Variants in PDE3A observed in about 807,000 individuals in gnomAD.
PDE3A encodes the protein phosphodiesterase 3A, also known as cGMP-inhibited 3',5'-cyclic phosphodiesterase 3A.
A neutral mutation model predicts 98.3 loss-of-function variants in PDE3A; 43 were observed. That is an observed-to-expected ratio of 0.44 (90% CI 0.34 to 0.56). The LOEUF (loss-of-function observed/expected upper bound fraction) is 0.56. Among genes scored for constraint, PDE3A ranks in the 20% least tolerant of loss-of-function variants. PDE3A has a pLI of 0.01. For missense variants in PDE3A, 1,427 were observed against 1,440.7 expected (o/e 0.99, Z 0.15); for synonymous variants, 663 against 567.9 (o/e 1.17, Z -2.38).
Position 20,451,946 on chromosome 12 carries a change from G to A in PDE3A, c.960+81702G>A, listed in dbSNP as rs138769335. Among the ~76,000 whole-genome samples, 4 of 152,248 alleles carry A rather than the reference G, an allele frequency of 2.6e-5. No homozygotes were observed. The East Asian group carries it at 7.7e-4, about 29-fold the overall frequency. On this transcript the variant is annotated intron_variant, in intron 1 of 15. Coordinates refer to ENST00000359062, the MANE Select transcript of PDE3A (RefSeq NM_000921.5). The stretch of plus-strand genomic sequence containing the variant: ...GCATTTCTCTTCATTGCATAGTGTA[G>A]CCCTGACTCACTGGCTCTTCATCTG...
In PDE3A at chr12:20,417,444, G is replaced by T. The variant is rs74595359; in HGVS notation, c.960+47200G>T. On this transcript the variant is annotated intron_variant, in intron 1 of 15. Coordinates refer to ENST00000359062, the MANE Select transcript of PDE3A (RefSeq NM_000921.5). Reference sequence around the variant, plus strand: ...AAATCACAGTATCAACCATAGCCTCGAGAGGTAAAACTTATCCTATTCTTA... The same window carrying T: ...AAATCACAGTATCAACCATAGCCTCTAGAGGTAAAACTTATCCTATTCTTA... 2.0e-5 allele frequency among the ~76,000 whole-genome samples: 3 copies of T among 152,088 alleles called. 1 individual carries two copies. The highest frequency in any genetic ancestry group is 2.0e-4 in the Admixed American group (3 of 15,266).
chr12:20,445,769 G>A (rs1944943267), intron 1 of PDE3A, among the ~76,000 whole-genome samples: 1 of 152,106 alleles, frequency 6.6e-6, no homozygotes, highest in Non-Finnish European at 1.5e-5. Context: ...GGAATATAGA[G>A]CCATTGCCCT....
intron 1 of PDE3A, among the ~76,000 whole-genome samples, chr12:20,516,001 G>C (rs577425670): frequency 6.6e-6 from 1 of 151,154 alleles, no homozygotes; most frequent in Admixed American, 6.6e-5. Flanking sequence ...CAAAGTGCTG[G>C]GATTACAGGC....
At chr12:20,526,804 T>C (rs1194909228) in intron 1 of PDE3A, among the ~76,000 whole-genome samples, 2 of 152,044 alleles carry the variant, frequency 1.3e-5, no homozygotes, top group Non-Finnish European at 2.9e-5. Context: ...ATTGATGATG[T>C]AGCCAACTCC....
Position 20,429,891 on chromosome 12 carries a change from C to T in PDE3A, c.960+59647C>T, listed in dbSNP as rs116585020. 6.0e-3 allele frequency among the ~76,000 whole-genome samples: 914 copies of T among 152,012 alleles called. 10 individuals are homozygous for T. Among genetic ancestry groups the T allele is most frequent in the African/African-American group, 0.02 (830 of 41,448 alleles). ...TTTTTATGTCATTTTGACATCCCTC[C>T]AGCACCCAAATGCCAACATCTGCTA... On this transcript the variant is annotated intron_variant, in intron 1 of 15. Transcript: ENST00000359062.
At chr12:20,477,016 T>C (rs1456987009) in intron 1 of PDE3A, among the ~76,000 whole-genome samples, 1 of 152,206 alleles carries the variant, frequency 6.6e-6, no homozygotes, top group Non-Finnish European at 1.5e-5. Flanking sequence ...CCTTGTTAAC[T>C]ACTAATACTA....
intron 15 of PDE3A, among the ~76,000 whole-genome samples, chr12:20,662,781 T>C (rs1388890128): frequency 6.6e-6 from 1 of 152,084 alleles, no homozygotes; most frequent in African/African-American, 2.4e-5. Flanking sequence ...CCTGAGGATG[T>C]GATAGAAAAG....
Position 20,394,754 on chromosome 12 carries a change from T to C in PDE3A, c.960+24510T>C, listed in dbSNP as rs187683135. Among the ~76,000 whole-genome samples, 400 of 152,144 alleles carry C rather than the reference T, an allele frequency of 2.6e-3. 1 individual carries two copies. Among genetic ancestry groups the C allele is most frequent in the African/African-American group, 9.5e-3 (395 of 41,536 alleles). On this transcript the variant is annotated intron_variant, in intron 1 of 15. Coordinates refer to ENST00000359062, the MANE Select transcript of PDE3A (RefSeq NM_000921.5). ...TGACTTTTCATGTTTTTAAGTAGGG[T>C]ATTGCATTGATTGTCAACTGGGCCA...
At chr12:20,410,082 C>G (rs1004402094) in intron 1 of PDE3A, among the ~76,000 whole-genome samples, 1 of 152,154 alleles carries the variant, frequency 6.6e-6, no homozygotes, top group Admixed American at 6.5e-5. Flanking sequence ...GTCTTGCTGT[C>G]CCCAGGCTAA....
intron 1 of PDE3A, among the ~76,000 whole-genome samples, chr12:20,518,381 G>C (rs1224810502): frequency 2.0e-5 from 3 of 151,814 alleles, no homozygotes; most frequent in Admixed American, 1.3e-4. Context: ...CTCAGAGTTA[G>C]AGCTTCAAAG....
At chr12:20,469,218 C>T (rs1441654152) in intron 1 of PDE3A, among the ~76,000 whole-genome samples, 3 of 152,200 alleles carry the variant, frequency 2.0e-5, no homozygotes, top group Non-Finnish European at 4.4e-5. Flanking sequence ...CATTCTTTAA[C>T]ACAGAATGAC....
At position 20,556,390 on chromosome 12, in the gene PDE3A, C is replaced by T. The variant is rs146004769; in HGVS notation, c.961-270C>T. On this transcript the variant is annotated intron_variant, in intron 1 of 15. Transcript: ENST00000359062. ...GCAAATAAAGCTTTACATGGTTTAACATCTATCTAGGATGTTCCTGACAGA... is the reference window on the plus strand; with the variant it reads ...GCAAATAAAGCTTTACATGGTTTAATATCTATCTAGGATGTTCCTGACAGA... 6.1e-4 allele frequency among the ~76,000 whole-genome samples: 93 copies of T among 152,162 alleles called. No homozygotes were observed. In the East Asian group the frequency reaches 0.016, roughly 27 times the overall value.
chr12:20,479,792 T>C (rs1361061516), intron 1 of PDE3A, among the ~76,000 whole-genome samples: 1 of 152,200 alleles, frequency 6.6e-6, no homozygotes, highest in Non-Finnish European at 1.5e-5. Context: ...CGAAATCTTC[T>C]ATGAACTCCT....
At chr12:20,491,989 G>GT (rs76987817) in intron 1 of PDE3A, among the ~76,000 whole-genome samples, 45,548 of 151,430 alleles carry the variant, frequency 0.3, 8,153 homozygotes, top group East Asian at 0.68. Context: ...AGTACAGAGA[G>GT]TTTTTTTTTG....
chr12:20,497,407 G>T (rs1307370138), intron 1 of PDE3A, among the ~76,000 whole-genome samples: 1 of 151,326 alleles, frequency 6.6e-6, no homozygotes, highest in Non-Finnish European at 1.5e-5. Context: ...TAACTGAATG[G>T]AGGGCTGTAT....
intron 1 of PDE3A, among the ~76,000 whole-genome samples, chr12:20,395,560 G>C (rs1035087725): frequency 1.6e-4 from 23 of 144,422 alleles, no homozygotes; most frequent in Non-Finnish European, 2.9e-4. Context: ...TGTACACATA[G>C]TATATATATA....
intron 15 of PDE3A, among the ~76,000 whole-genome samples, chr12:20,670,372 C>T (rs960876618): frequency 7.3e-5 from 11 of 150,500 alleles, no homozygotes; most frequent in Non-Finnish European, 1.6e-4. Flanking sequence ...CAGAACTCTC[C>T]ACCCCAAATC....
chr12:20,663,156 G>A (rs1404521280), intron 15 of PDE3A, among the ~76,000 whole-genome samples: 1 of 152,188 alleles, frequency 6.6e-6, no homozygotes, highest in Admixed American at 6.5e-5. Context: ...CAGAAATTGA[G>A]GTCTGGGAAC....
intron 1 of PDE3A, among the ~76,000 whole-genome samples, chr12:20,459,032 A>G (rs1945201325): frequency 6.6e-6 from 1 of 152,200 alleles, no homozygotes; most frequent in East Asian, 1.9e-4. Context: ...GAAATAAGTC[A>G]AATGTTAGCA....
Sources: gnomAD v4.1 joint callset for allele counts (sites outside exome capture counted in the v4.1 genomes callset) on GRCh38, gnomAD v4.1.1 for gene constraint, MANE v1.5 for transcripts, NCBI Gene and HGNC (gene_info 2026-07-23, HGNC 2026-07-21) for gene names.